Variants in CCSER1 observed in about 807,000 individuals in gnomAD.
CCSER1 encodes the protein coiled-coil serine rich protein 1.
CCSER1 carries 41 observed loss-of-function variants against 82.0 expected under a neutral mutation model. The ratio of observed to expected loss-of-function variants is 0.50; its 90% CI spans 0.39 to 0.65. CCSER1 has a LOEUF of 0.65. CCSER1 is among the 30% of genes least tolerant of loss of function. CCSER1 has a pLI of 0.00. For missense variants in CCSER1, 1,119 were observed against 1,064.2 expected (o/e 1.05, Z -0.72); for synonymous variants, 414 against 383.9 (o/e 1.08, Z -0.92).
At chr4:91,028,185 T>C (rs1477881545) in intron 9 of CCSER1, among the ~76,000 whole-genome samples, 2 of 152,052 alleles carry the variant, frequency 1.3e-5, no homozygotes, top group African/African-American at 4.8e-5. Context: ...TAGATACGTA[T>C]TTATGTTAAG....
At chr4:91,306,136 A>G (rs1745060306) in intron 10 of CCSER1, among the ~76,000 whole-genome samples, 1 of 151,730 alleles carries the variant, frequency 6.6e-6, no homozygotes, top group Admixed American at 6.6e-5. Flanking sequence ...TTTCATGAAC[A>G]TCATTGCCAA....
intron 1 of CCSER1, among the ~76,000 whole-genome samples, chr4:90,276,282 CCTTCCTTCCTTCCTTCCTTCCTTCCTTT>C (rs1486572052): frequency 6.2e-5 from 8 of 129,444 alleles, no homozygotes; most frequent in East Asian, 2.4e-4. Flanking sequence ...TTCCTTCCTT[CCTTCCTTCCTTCCTTCCTTCCTTCCTTT>C]CTTTCTTTTT....
intron 6 of CCSER1, among the ~76,000 whole-genome samples, chr4:90,657,387 T>C (rs1431365476): frequency 6.6e-6 from 1 of 152,172 alleles, no homozygotes; most frequent in Non-Finnish European, 1.5e-5. Flanking sequence ...CATAGAATTT[T>C]ATTTGTTTGC....
intron 6 of CCSER1, among the ~76,000 whole-genome samples, chr4:90,675,101 C>G (rs1733585938): frequency 6.6e-6 from 1 of 151,970 alleles, no homozygotes; most frequent in Non-Finnish European, 1.5e-5. Flanking sequence ...CATCCTTTCT[C>G]ATTTCATTTT....
At chr4:90,439,768 G>A (rs1166793512) in intron 4 of CCSER1, among the ~76,000 whole-genome samples, 1 of 152,162 alleles carries the variant, frequency 6.6e-6, no homozygotes, top group Admixed American at 6.5e-5. Flanking sequence ...TTAGAGTGCA[G>A]TTTGTGTTCA....
At chr4:90,793,490 A>C (rs1755556618) in intron 7 of CCSER1, among the ~76,000 whole-genome samples, 1 of 152,160 alleles carries the variant, frequency 6.6e-6, no homozygotes, top group South Asian at 2.1e-4. Context: ...ATGTTACTGC[A>C]AAGGACGTAA....
At chr4:91,374,117 G>C (rs1009410116) in intron 10 of CCSER1, among the ~76,000 whole-genome samples, 2 of 152,096 alleles carry the variant, frequency 1.3e-5, no homozygotes, top group Non-Finnish European at 2.9e-5. Context: ...AAAGGAGCAA[G>C]GTAAAGCAGT....
intron 10 of CCSER1, among the ~76,000 whole-genome samples, chr4:91,468,878 G>A (rs1218074069): frequency 6.6e-6 from 1 of 152,000 alleles, no homozygotes; most frequent in Non-Finnish European, 1.5e-5. Context: ...ATGTCTCATT[G>A]GTGATACTAA....
intron 6 of CCSER1, among the ~76,000 whole-genome samples, chr4:90,643,752 T>C (rs1007406148): frequency 1.3e-5 from 2 of 152,172 alleles, no homozygotes; most frequent in African/African-American, 2.4e-5. Context: ...AAGAATGTAA[T>C]TTAATTCAGT....
chr4:90,523,052 G>A (rs1773330292), intron 5 of CCSER1, among the ~76,000 whole-genome samples: 1 of 151,932 alleles, frequency 6.6e-6, no homozygotes, highest in South Asian at 2.1e-4. Context: ...TTAGATTAGG[G>A]ACATTAAAAG....
intron 7 of CCSER1, among the ~76,000 whole-genome samples, chr4:90,731,612 G>A (rs573423420): frequency 2.6e-5 from 4 of 152,006 alleles, no homozygotes; most frequent in African/African-American, 4.8e-5. Flanking sequence ...CCATACAATA[G>A]GTATATATTT....
At chr4:90,333,403 T>C (rs1739714033) in intron 3 of CCSER1, among the ~76,000 whole-genome samples, 1 of 151,330 alleles carries the variant, frequency 6.6e-6, no homozygotes, top group African/African-American at 2.4e-5. Flanking sequence ...ACAGAATTTC[T>C]CAGAAACAAA....
chr4:91,404,831 G>T (rs1022562355), intron 10 of CCSER1, among the ~76,000 whole-genome samples: 11 of 152,204 alleles, frequency 7.2e-5, no homozygotes, highest in African/African-American at 2.6e-4. Context: ...GGTCAATTTT[G>T]GAATAAGTGC....
chr4:90,201,410 T>C (rs1044056542), intron 1 of CCSER1, among the ~76,000 whole-genome samples: 1 of 151,948 alleles, frequency 6.6e-6, no homozygotes, highest in East Asian at 1.9e-4. Flanking sequence ...AAATGCATAA[T>C]GTAGGCCAAG....
intron 8 of CCSER1, among the ~76,000 whole-genome samples, chr4:90,824,728 A>C (rs976753002): frequency 1.5e-4 from 23 of 152,158 alleles, no homozygotes. Context: ...TTAGAATAGA[A>C]TATTACAGCT....
At chr4:90,559,808 TCAAAAAAA>T (rs1778536349) in intron 5 of CCSER1, among the ~76,000 whole-genome samples, 1 of 31,160 alleles carries the variant, frequency 3.2e-5, no homozygotes, top group African/African-American at 4.0e-4. Context: ...AGACTCCGTC[TCAAAAAAA>T]AAAAAAAAAA....
At chr4:90,428,550 TAA>T (rs1757845594) in intron 4 of CCSER1, among the ~76,000 whole-genome samples, 1 of 152,000 alleles carries the variant, frequency 6.6e-6, no homozygotes, top group Non-Finnish European at 1.5e-5. Context: ...AATAAAATGT[TAA>T]AGACAATTAA....
chr4:90,885,753 C>G (rs1260749270), intron 8 of CCSER1, among the ~76,000 whole-genome samples: 1 of 152,142 alleles, frequency 6.6e-6, no homozygotes, highest in Non-Finnish European at 1.5e-5. Flanking sequence ...TAATGAAATG[C>G]TGAATTTATC....
intron 8 of CCSER1, among the ~76,000 whole-genome samples, chr4:90,890,324 C>A (rs1182765470): frequency 6.6e-6 from 1 of 152,122 alleles, no homozygotes; most frequent in African/African-American, 2.4e-5. Flanking sequence ...AAGGATTAGA[C>A]TCTAAACTCC....
Sources: allele counts gnomAD v4.1 joint callset (sites outside exome capture counted in the v4.1 genomes callset), GRCh38; gene constraint gnomAD v4.1.1; transcripts MANE v1.5; gene names NCBI Gene and HGNC (gene_info 2026-07-23, HGNC 2026-07-21).